Variants in ARHGEF33 observed in about 807,000 individuals in gnomAD.
The protein encoded by ARHGEF33 is Rho guanine nucleotide exchange factor 33, also known as DH and coiled-coil domain-containing protein ENSP00000381780.
Under a neutral mutation model 101.9 loss-of-function variants are expected in ARHGEF33, and 72 were observed. The observed-to-expected ratio is 0.71, with a 90% CI of 0.58 to 0.86. ARHGEF33 has a LOEUF of 0.86. ARHGEF33 is among the 40% of genes least tolerant of loss of function. ARHGEF33 has a pLI of 0.00. For synonymous variants in ARHGEF33, 499 were observed against 442.5 expected (o/e 1.13, Z -1.60); for missense variants, 1,169 against 1,111.3 (o/e 1.05, Z -0.74).
At chr2:38,905,421 C>T (rs1666367534) in intron 2 of ARHGEF33, among the ~76,000 whole-genome samples, 1 of 152,206 alleles carries the variant, frequency 6.6e-6, no homozygotes, top group South Asian at 2.1e-4. Context: ...TGTTACCACA[C>T]TGCTGAGTGA....
rs1292517555 is a variant in ARHGEF33 at position 38,929,781 on chromosome 2, G to A, written c.313G>A (p.Glu105Lys). The A allele has an allele frequency of 2.1e-5, 32 of 1,551,498 alleles. No individual in the cohort carries two copies. The highest frequency in any genetic ancestry group is 4.9e-5 in the East Asian group (2 of 40,934). The change falls in exon 6 of 18, where the codon GAG (glutamate) becomes AAG (lysine). Residue 105 changes from glutamate (E) to lysine (K), a missense_variant. Coordinates refer to ENST00000409978, the MANE Select transcript of ARHGEF33 (RefSeq NM_001145451.5). ...ACAAGAAGAAATGCAACAGAAAATC[G>A]AGCAGCTTCAACAGGAGAAGCGAAG... is the stretch of plus-strand genomic sequence containing the variant. Reference protein sequence around the residue: ...SKQEEMQQKIEQLQQEKRRES... With the variant: ...SKQEEMQQKIKQLQQEKRRES...
rs766913549 is a variant in ARHGEF33, at chr2:38,960,449, C to T, written c.2144C>T (p.Ala715Val). ...CGCTCTCTCAAAGAGTTCCCGCGTG[C>T]GCCGCCAGCCGACGGCGTGGCCCCA... is the stretch of plus-strand genomic sequence containing the variant. ...LSRSLKEFPR[A>V]PPADGVAPRL... Residue 715 changes from alanine (A) to valine (V), a missense_variant, in exon 16 of 18, where the codon GCG becomes GTG. Coordinates refer to ENST00000409978, the MANE Select transcript of ARHGEF33 (RefSeq NM_001145451.5). 2.5e-5 allele frequency: 38 copies of T among 1,494,024 alleles called. 2 individuals are homozygous for T. The South Asian group carries it at 4.7e-4, about 18-fold the overall frequency. 92.5% of individuals were successfully genotyped at this position (1,494,024 alleles called of 1,614,324 possible). A position where few individuals can be genotyped will look rare whatever the true frequency, so the allele number is the denominator to read the frequency against.
intron 17 of ARHGEF33, among the ~76,000 whole-genome samples, chr2:38,970,033 T>G (rs1382542352): frequency 6.6e-6 from 1 of 152,234 alleles, no homozygotes; most frequent in Non-Finnish European, 1.5e-5. Flanking sequence ...GTGAGATAAC[T>G]TAGGAGTAGG....
At chr2:38,923,447 T>C (rs1361350085) in intron 4 of ARHGEF33, among the ~76,000 whole-genome samples, 2 of 152,130 alleles carry the variant, frequency 1.3e-5, no homozygotes, top group South Asian at 2.1e-4. Context: ...TTGGTAATTC[T>C]CTATCTCATT....
chr2:38,904,211 G>A (rs1312313134), intron 2 of ARHGEF33, among the ~76,000 whole-genome samples: 1 of 152,184 alleles, frequency 6.6e-6, no homozygotes, highest in Non-Finnish European at 1.5e-5. Flanking sequence ...ATTAGACTTT[G>A]GAGAATGAGT....
chr2:38,949,237 T>A (rs1667530340), intron 10 of ARHGEF33, among the ~76,000 whole-genome samples: 1 of 152,174 alleles, frequency 6.6e-6, no homozygotes, highest in Non-Finnish European at 1.5e-5. Flanking sequence ...ACGAGTTTAC[T>A]CTCATTTGAC....
At position 38,966,111 on chromosome 2, in the gene ARHGEF33, T is replaced by C. The variant is rs1360260215; in HGVS notation, c.2449T>C (p.Phe817Leu). 6.4e-7 allele frequency: 1 copy of C among 1,551,690 alleles called. No individual in the cohort carries two copies. The highest frequency in any genetic ancestry group is 2.0e-5 in the Admixed American group (1 of 50,998). The change falls in exon 17 of 18, where the codon TTT (phenylalanine) becomes CTT (leucine). Residue 817 changes from phenylalanine (F) to leucine (L), a missense_variant. Phe to Leu is a conservative substitution (Grantham distance 22). Coordinates refer to ENST00000409978, the MANE Select transcript of ARHGEF33 (RefSeq NM_001145451.5). ...QNPRQDQKGG[F>L]RSSFRKLFKK... ...TCCCAGGCAAGACCAGAAGGGGGGC[T>C]TTCGCAGCTCCTTCCGCAAGCTCTT...
At chr2:38,959,760 C>T (rs1303333930) in intron 15 of ARHGEF33, 81 bp from the exon 16 acceptor site, 1 of 1,404,110 alleles carries the variant, frequency 7.1e-7, no homozygotes, top group Non-Finnish European at 9.5e-7. Flanking sequence ...GGAGCGCGGC[C>T]CCGAGGGGCG....
intron 9 of ARHGEF33, 147 bp downstream of exon 9, chr2:38,937,706 G>T: frequency 4.8e-6 from 3 of 618,706 alleles, no homozygotes; most frequent in Non-Finnish European, 8.7e-6. Flanking sequence ...ATGAACTAAA[G>T]CCTATAGAGG....
intron 4 of ARHGEF33, among the ~76,000 whole-genome samples, chr2:38,923,422 G>A (rs922429629): frequency 6.6e-6 from 1 of 152,072 alleles, no homozygotes; most frequent in African/African-American, 2.4e-5. Flanking sequence ...GGCACCAGAA[G>A]CAAAATATAA....
intron 4 of ARHGEF33, among the ~76,000 whole-genome samples, chr2:38,923,920 G>A (rs185101060): frequency 4.7e-4 from 72 of 152,198 alleles, no homozygotes; most frequent in African/African-American, 1.7e-3. Flanking sequence ...AAGTTAAAAA[G>A]CACTGGAAGA....
At position 38,931,319 on chromosome 2, in the gene ARHGEF33, C is replaced by A. The variant is rs1666998457; in HGVS notation, c.505+68C>A. ...CCCAATTCCCCCAATTAAGAATGGG[C>A]TTAAACCCTCCATCTTTGTTAGAAG... On this transcript the variant is annotated intron_variant, in intron 7 of 17. Coordinates refer to ENST00000409978, the MANE Select transcript of ARHGEF33 (RefSeq NM_001145451.5). The A allele has an allele frequency of 3.8e-6, 5 of 1,324,982 alleles. No homozygotes were observed. The Admixed American group carries it at 1.4e-4, about 38-fold the overall frequency. The allele number at this position is 1,324,982 out of a possible 1,614,324, so 82.1% of individuals were successfully genotyped here.
In ARHGEF33 at chr2:38,960,321, G is replaced by T; in HGVS notation, c.2016G>T (p.Pro672=). The change falls in exon 16 of 18, where the codon CCG becomes CCT. Residue 672 remains proline, a synonymous_variant. Transcript: ENST00000409978. ...FAMEAERPEH[P]LQPLPKSATS... is the part of the protein sequence containing the mutation. Reference sequence around the variant, plus strand: ...TGGAGGCCGAGCGGCCGGAGCACCCGCTGCAGCCGCTGCCCAAGAGCGCTA... The same window carrying T: ...TGGAGGCCGAGCGGCCGGAGCACCCTCTGCAGCCGCTGCCCAAGAGCGCTA... The T allele has an allele frequency of 6.5e-7, 1 of 1,541,500 alleles. No individual in the cohort carries two copies. The highest frequency in any genetic ancestry group is 2.0e-5 in the Admixed American group (1 of 50,898).
intron 7 of ARHGEF33, among the ~76,000 whole-genome samples, chr2:38,935,252 C>T (rs1667102776): frequency 6.6e-6 from 1 of 151,902 alleles, no homozygotes. Context: ...ACAATCTTAG[C>T]TCACTGCAGC....
At chr2:38,914,739 G>A (rs1189835948) in intron 2 of ARHGEF33, among the ~76,000 whole-genome samples, 1 of 151,076 alleles carries the variant, frequency 6.6e-6, no homozygotes, top group Non-Finnish European at 1.5e-5. Flanking sequence ...AATGTATTAT[G>A]TGAGAGTGAG....
At chr2:38,943,810 C>A in intron 9 of ARHGEF33, 91 bp from the exon 10 acceptor site, 1 of 1,307,584 alleles carries the variant, frequency 7.6e-7, no homozygotes, top group Non-Finnish European at 1.0e-6. Flanking sequence ...TTATTGCTTT[C>A]AATATCCTTT....
intron 4 of ARHGEF33, 119 bp downstream of exon 4, chr2:38,921,542 C>T (rs950604180): frequency 5.6e-6 from 4 of 717,142 alleles, no homozygotes; most frequent in Admixed American, 2.1e-5. Flanking sequence ...TGCACTTGTT[C>T]TCTTAACAGG....
Position 38,973,918 on chromosome 2 carries a change from ATATATATC to A in ARHGEF33, c.*81_*88del. 5.2e-6 allele frequency: 5 copies of A among 970,854 alleles called. No homozygotes were observed. The highest frequency in any genetic ancestry group is 5.3e-6 in the Non-Finnish European group (4 of 752,120). 60.1% of individuals were successfully genotyped at this position (970,854 alleles called of 1,614,324 possible). A position where few individuals can be genotyped will look rare whatever the true frequency, so the allele number is the denominator to read the frequency against. On this transcript the variant is annotated 3_prime_UTR_variant, in exon 18 of 18. Transcript: ENST00000409978. ...TGTATATATCTGTGTAGGAATATAT[ATATATATC>A]TATATCTATATATATATATATATCG...
In ARHGEF33 at chr2:38,931,215, T is replaced by A; in HGVS notation, c.469T>A (p.Phe157Ile). The A allele has an allele frequency of 6.4e-7, 1 of 1,551,194 alleles. No individual in the cohort carries two copies. Among genetic ancestry groups the A allele is most frequent in the Non-Finnish European group, 8.7e-7 (1 of 1,146,818 alleles). ...TGAGCCTGTTCTTCCAAGCGAAGAC[T>A]TTACCAACCTTTTGCCTTCTCAGGC... ...IPEPVLPSED[F>I]TNLLPSQAYE... The change falls in exon 7 of 18, where the codon TTT (phenylalanine) becomes ATT (isoleucine). Residue 157 changes from phenylalanine (F) to isoleucine (I), a missense_variant. Coordinates refer to ENST00000409978, the MANE Select transcript of ARHGEF33 (RefSeq NM_001145451.5).
Sources: allele counts gnomAD v4.1 joint callset (sites outside exome capture counted in the v4.1 genomes callset), GRCh38; gene constraint gnomAD v4.1.1; transcripts MANE v1.5; gene names NCBI Gene and HGNC (gene_info 2026-07-23, HGNC 2026-07-21).